The following ANKS1B variants were observed in gnomAD, a reference collection of about 807,000 sequenced individuals.
ANKS1B encodes ankyrin repeat and sterile alpha motif domain-containing protein 1B.
ANKS1B carries 36 observed loss-of-function variants against 148.3 expected under a neutral mutation model. That is an observed-to-expected ratio of 0.24 (90% CI 0.19 to 0.32). The LOEUF (loss-of-function observed/expected upper bound fraction) is 0.32, where lower values mean the gene tolerates loss of function less well. Ranked by LOEUF, ANKS1B falls within the 10% of genes least tolerant of loss-of-function variation. The pLI is 1.00. For missense variants in ANKS1B, 1,157 were observed against 1,542.6 expected (o/e 0.75, Z 4.19); for synonymous variants, 542 against 560.8 (o/e 0.97, Z 0.47).
chr12:99,245,150 C>T (rs1283376465), intron 13 of ANKS1B, among the ~76,000 whole-genome samples: 18 of 152,140 alleles, frequency 1.2e-4, no homozygotes, highest in Admixed American at 9.8e-4. Flanking sequence ...CCACCATTCC[C>T]GGCCTGGAGC....
intron 9 of ANKS1B, among the ~76,000 whole-genome samples, chr12:99,545,807 G>A (rs950706434): frequency 6.7e-6 from 1 of 148,540 alleles, no homozygotes; most frequent in African/African-American, 2.5e-5. Flanking sequence ...TAAAATTATT[G>A]CATCGGGGCT....
intron 17 of ANKS1B, among the ~76,000 whole-genome samples, chr12:99,034,513 G>A (rs1440648318): frequency 2.0e-5 from 3 of 151,936 alleles, no homozygotes; most frequent in Non-Finnish European, 2.9e-5. Flanking sequence ...ACGGGGTTTC[G>A]CCATGTTGCC....
intron 10 of ANKS1B, among the ~76,000 whole-genome samples, chr12:99,448,519 A>ATAT (rs1176702717): frequency 6.6e-6 from 1 of 152,086 alleles, no homozygotes; most frequent in Non-Finnish European, 1.5e-5. Flanking sequence ...TATGGTGACT[A>ATAT]TAGTTAATAA....
At chr12:98,887,985 G>T (rs956042395) in intron 17 of ANKS1B, among the ~76,000 whole-genome samples, 1 of 152,000 alleles carries the variant, frequency 6.6e-6, no homozygotes, top group South Asian at 2.1e-4. Flanking sequence ...CTTTCTATCC[G>T]CACAGTCATG....
intron 8 of ANKS1B, among the ~76,000 whole-genome samples, chr12:99,741,206 A>AACACACACAC (rs774613671): frequency 0.076 from 10,304 of 135,276 alleles, 517 homozygotes; most frequent in Non-Finnish European, 0.089. Flanking sequence ...GGCTCCGTCA[A>AACACACACAC]ACACACACAC....
chr12:99,888,969 AAC>A (rs6144833), intron 1 of ANKS1B, among the ~76,000 whole-genome samples: 57,933 of 147,090 alleles, frequency 0.39, 12,011 homozygotes, highest in East Asian at 0.91. Flanking sequence ...CCTTCGCCAA[AAC>A]ACACACACAC....
At chr12:99,059,788 C>CATATATACATATATATATATATAT (rs2041719885) in intron 16 of ANKS1B, among the ~76,000 whole-genome samples, 1 of 90,322 alleles carries the variant, frequency 1.1e-5, no homozygotes, top group Non-Finnish European at 2.1e-5. Context: ...AACTAAAATT[C>CATATATACATATATATATATATAT]ATATATATAT....
chr12:99,881,274 A>C (rs1254315813), intron 1 of ANKS1B, among the ~76,000 whole-genome samples: 1 of 152,116 alleles, frequency 6.6e-6, no homozygotes, highest in Non-Finnish European at 1.5e-5. Flanking sequence ...TATCATCATT[A>C]TTACTTATGT....
At chr12:99,453,972 A>G (rs2095802731) in intron 10 of ANKS1B, among the ~76,000 whole-genome samples, 1 of 152,214 alleles carries the variant, frequency 6.6e-6, no homozygotes, top group African/African-American at 2.4e-5. Context: ...TGAAGAAAAA[A>G]AATGTAATAG....
At chr12:99,285,216 A>G (rs1161551472) in intron 12 of ANKS1B, among the ~76,000 whole-genome samples, 1 of 152,232 alleles carries the variant, frequency 6.6e-6, no homozygotes, top group Non-Finnish European at 1.5e-5. Context: ...GAAATTATAC[A>G]GTATATACTT....
intron 19 of ANKS1B, among the ~76,000 whole-genome samples, chr12:98,808,342 G>A (rs2099066884): frequency 6.6e-6 from 1 of 152,160 alleles, no homozygotes; most frequent in Non-Finnish European, 1.5e-5. Context: ...ATGACCAAGA[G>A]CAAACAGTGC....
chr12:99,848,837 A>G (rs2087175475), intron 1 of ANKS1B, among the ~76,000 whole-genome samples: 1 of 152,162 alleles, frequency 6.6e-6, no homozygotes, highest in Admixed American at 6.5e-5. Flanking sequence ...AATGTGGTAC[A>G]ATACACCATG....
intron 17 of ANKS1B, among the ~76,000 whole-genome samples, chr12:99,041,758 T>C (rs1468166931): frequency 6.6e-6 from 1 of 152,160 alleles, no homozygotes; most frequent in Non-Finnish European, 1.5e-5. Context: ...CCCAGCACTT[T>C]GGGATGCCTA....
chr12:99,814,468 T>C (rs2153669905), intron 2 of ANKS1B, among the ~76,000 whole-genome samples: 1 of 151,582 alleles, frequency 6.6e-6, no homozygotes, highest in Middle Eastern at 3.4e-3. Flanking sequence ...AATCAGAAAA[T>C]CAGAAGGAAA....
intron 10 of ANKS1B, among the ~76,000 whole-genome samples, chr12:99,479,308 A>T (rs190112725): frequency 3.2e-4 from 49 of 152,214 alleles, no homozygotes; most frequent in Admixed American, 1.8e-3. Flanking sequence ...TAACCATTTC[A>T]ACTTTAAAAT....
At chr12:98,867,091 C>T (rs1401729483) in intron 17 of ANKS1B, among the ~76,000 whole-genome samples, 1 of 152,168 alleles carries the variant, frequency 6.6e-6, no homozygotes, top group African/African-American at 2.4e-5. Context: ...CTGTACATAG[C>T]TTCCTCTAAA....
intron 17 of ANKS1B, among the ~76,000 whole-genome samples, chr12:98,852,755 C>G (rs907753216): frequency 2.0e-5 from 3 of 152,106 alleles, no homozygotes; most frequent in Non-Finnish European, 2.9e-5. Flanking sequence ...TTTTTCCCCC[C>G]CTCCATCCAT....
At chr12:99,751,971 A>C (rs796499067) in intron 8 of ANKS1B, among the ~76,000 whole-genome samples, 12 of 152,180 alleles carry the variant, frequency 7.9e-5, no homozygotes, top group African/African-American at 2.9e-4. Flanking sequence ...ATAGTTATAC[A>C]TGCTGAAAGA....
intron 14 of ANKS1B, among the ~76,000 whole-genome samples, chr12:99,188,685 T>C: frequency 6.6e-6 from 1 of 152,112 alleles, no homozygotes; most frequent in East Asian, 1.9e-4. Flanking sequence ...CTCTGGGACA[T>C]AGCTAAAGCA....
Sources: gnomAD v4.1 joint callset for allele counts (sites outside exome capture counted in the v4.1 genomes callset) on GRCh38, gnomAD v4.1.1 for gene constraint, MANE v1.5 for transcripts, NCBI Gene and HGNC (gene_info 2026-07-23, HGNC 2026-07-21) for gene names.